Variants in GRIK3 observed in about 807,000 individuals in gnomAD.
GRIK3 encodes the protein glutamate ionotropic receptor kainate type subunit 3.
GRIK3 carries 29 observed loss-of-function variants against 102.5 expected under a neutral mutation model. That is an observed-to-expected ratio of 0.28 (90% confidence interval 0.21 to 0.39). The LOEUF is 0.39. Ranked by LOEUF, GRIK3 falls within the 10% of genes least tolerant of loss-of-function variation. GRIK3 has a pLI of 1.00. For missense variants in GRIK3, 908 were observed against 1,252.4 expected, an observed-to-expected ratio of 0.73 and a Z score of 4.15; for synonymous variants, 511 against 504.9, an observed-to-expected ratio of 1.01 and a Z score of -0.16.
intron 10 of GRIK3, 91 bp from the exon 11 acceptor site, chr1:36,825,917 T>A: frequency 5.6e-6 from 5 of 890,346 alleles, no homozygotes; most frequent in African/African-American, 1.7e-5. Flanking sequence ...GAGATGAGGG[T>A]GAAGTCAGTT....
chr1:36,837,890 G>A (rs1227587754), intron 10 of GRIK3, among the ~76,000 whole-genome samples: 1 of 152,226 alleles, frequency 6.6e-6, no homozygotes, highest in Non-Finnish European at 1.5e-5. Flanking sequence ...TGGCACCTTG[G>A]TGGTGCCTCA....
chr1:36,936,577 G>T (rs1465625715), intron 1 of GRIK3, among the ~76,000 whole-genome samples: 1 of 152,102 alleles, frequency 6.6e-6, no homozygotes, highest in Non-Finnish European at 1.5e-5. Flanking sequence ...TGTCTGTCCT[G>T]CCCCTGACCC....
intron 1 of GRIK3, among the ~76,000 whole-genome samples, chr1:36,988,645 G>A (rs551706682): frequency 5.1e-4 from 77 of 152,344 alleles, no homozygotes; most frequent in African/African-American, 1.8e-3. Flanking sequence ...AAAACGCCAA[G>A]ATTCTTCACA....
intron 2 of GRIK3, 109 bp downstream of exon 2, chr1:36,890,811 C>T: frequency 1.2e-6 from 1 of 813,600 alleles, no homozygotes; most frequent in Non-Finnish European, 1.9e-6. Flanking sequence ...GTAGAAAAGG[C>T]TCTGAACCTA....
chr1:36,859,307 A>C (rs1334876747), intron 6 of GRIK3, 56 bp from the exon 7 acceptor site: 2 of 1,541,988 alleles, frequency 1.3e-6, no homozygotes, highest in Admixed American at 1.9e-5. Context: ...TCCTCAGCCC[A>C]CCCTGCCCTG....
At chr1:36,876,094 GGCTGGTT>G (rs1477698286) in intron 3 of GRIK3, among the ~76,000 whole-genome samples, 6 of 152,144 alleles carry the variant, frequency 3.9e-5, no homozygotes, top group African/African-American at 1.4e-4. Flanking sequence ...AATCTCATTG[GGCTGGTT>G]GTGGTGGCTC....
intron 1 of GRIK3, among the ~76,000 whole-genome samples, chr1:37,000,586 A>G (rs1024845394): frequency 3.3e-5 from 5 of 152,230 alleles, no homozygotes; most frequent in African/African-American, 1.2e-4. Flanking sequence ...GGACAATTAT[A>G]TCATTCAATG....
chr1:36,953,760 T>G (rs1641872196), intron 1 of GRIK3, among the ~76,000 whole-genome samples: 1 of 151,920 alleles, frequency 6.6e-6, no homozygotes, highest in Admixed American at 6.6e-5. Flanking sequence ...CAAGCAGAGA[T>G]GCAGGGCAGG....
At position 36,896,532 on chromosome 1, in the gene GRIK3, A is replaced by T. The variant is rs1177892909; in HGVS notation, c.116-5436T>A. Among the ~76,000 whole-genome samples, 33 of 152,156 alleles carry T rather than the reference A, an allele frequency of 2.2e-4. 1 individual carries two copies. The highest frequency in any genetic ancestry group is 2.9e-5 in the Non-Finnish European group (2 of 67,964). ...ATTGACATGATAAGTGAGGAGAGGA[A>T]ATGAAATGATAAAATATGCTCAATT... On this transcript the variant is annotated intron_variant, in intron 1 of 15. Transcript: ENST00000373091.
At position 36,898,412 on chromosome 1, in the gene GRIK3, G is replaced by A. The variant is rs56382382; in HGVS notation, c.116-7316C>T. ...ATTAAAAGATGTTCTTTAGAGAGAAGGAAAATAATACAGGTAAACATCTCA... is the reference window on the plus strand; with the variant it reads ...ATTAAAAGATGTTCTTTAGAGAGAAAGAAAATAATACAGGTAAACATCTCA... On this transcript the variant is annotated intron_variant, in intron 1 of 15. Coordinates refer to ENST00000373091, the MANE Select transcript of GRIK3 (RefSeq NM_000831.4). 2.9e-3 allele frequency among the ~76,000 whole-genome samples: 445 copies of A among 151,786 alleles called. 1 individual carries two copies. The highest frequency in any genetic ancestry group is 0.01 in the African/African-American group (428 of 41,432).
intron 1 of GRIK3, among the ~76,000 whole-genome samples, chr1:36,947,785 A>T (rs937104180): frequency 6.6e-6 from 1 of 152,074 alleles, no homozygotes; most frequent in Non-Finnish European, 1.5e-5. Context: ...CCAGAGCTGT[A>T]GCATCACAGC....
chr1:36,994,519 G>A (rs1642397299), intron 1 of GRIK3, among the ~76,000 whole-genome samples: 1 of 152,216 alleles, frequency 6.6e-6, no homozygotes, highest in Non-Finnish European at 1.5e-5. Flanking sequence ...GGATAAGCAA[G>A]TTCATCTGTG....
At chr1:36,977,095 G>A (rs1319965526) in intron 1 of GRIK3, among the ~76,000 whole-genome samples, 2 of 152,164 alleles carry the variant, frequency 1.3e-5, no homozygotes, top group Non-Finnish European at 2.9e-5. Flanking sequence ...TCATCCCTCT[G>A]GTGTTGGAGT....
chr1:36,954,108 G>A (rs1211586947), intron 1 of GRIK3, among the ~76,000 whole-genome samples: 2 of 152,208 alleles, frequency 1.3e-5, no homozygotes, highest in East Asian at 3.9e-4. Flanking sequence ...CCTTTCCGCT[G>A]GGGAACCAGA....
chr1:36,862,807 G>A (rs1482198007), intron 5 of GRIK3, among the ~76,000 whole-genome samples: 1 of 152,238 alleles, frequency 6.6e-6, no homozygotes, highest in East Asian at 1.9e-4. Context: ...AAATAAGTGA[G>A]TTTGTAGATG....
intron 9 of GRIK3, among the ~76,000 whole-genome samples, chr1:36,845,918 T>C (rs985752066): frequency 1.3e-5 from 2 of 152,280 alleles, no homozygotes; most frequent in Admixed American, 6.5e-5. Flanking sequence ...TGAGCCTATG[T>C]GGGTCACGAT....
At chr1:36,907,559 T>A (rs181431257) in intron 1 of GRIK3, among the ~76,000 whole-genome samples, 17 of 151,832 alleles carry the variant, frequency 1.1e-4, no homozygotes, top group African/African-American at 4.1e-4. Flanking sequence ...ACAGAGTGAG[T>A]CAGGGCAGAG....
rs2124169416 is a variant in GRIK3, at chr1:36,798,635, A to C, written c.*3216T>G. On this transcript the variant is annotated 3_prime_UTR_variant, in exon 16 of 16. Coordinates refer to ENST00000373091, the MANE Select transcript of GRIK3 (RefSeq NM_000831.4). ...AGCATCATTTTCAGTGCCCCGGGAG[A>C]GACAGAGCTCATGCTTGGGCAGCTG... 1 of 152,330 alleles carries C rather than the reference A, an allele frequency of 6.6e-6. No homozygotes were observed. The highest frequency in any genetic ancestry group is 1.5e-5 in the Non-Finnish European group (1 of 68,040). 9.4% of individuals were successfully genotyped at this position (152,330 alleles called of 1,614,324 possible). A position where few individuals can be genotyped will look rare whatever the true frequency, so the allele number is the denominator to read the frequency against.
At chr1:36,987,820 C>T (rs1479047074) in intron 1 of GRIK3, among the ~76,000 whole-genome samples, 1 of 152,078 alleles carries the variant, frequency 6.6e-6, no homozygotes, top group Non-Finnish European at 1.5e-5. Context: ...TCTTAAGTTC[C>T]AGACACTCAA....
Sources: allele counts gnomAD v4.1 joint callset (sites outside exome capture counted in the v4.1 genomes callset), GRCh38; gene constraint gnomAD v4.1.1; transcripts MANE v1.5; gene names NCBI Gene and HGNC (gene_info 2026-07-23, HGNC 2026-07-21).